RNF123: variants seen among roughly 807,000 people sequenced by gnomAD.
RNF123 encodes the protein ring finger protein 123.
A neutral mutation model predicts 168.5 loss-of-function variants in RNF123; 86 were observed. That is an observed-to-expected ratio of 0.51 (90% CI 0.43 to 0.61). The LOEUF (loss-of-function observed/expected upper bound fraction) is 0.61. Ranked by LOEUF, RNF123 falls within the 20% of genes least tolerant of loss-of-function variation. RNF123 has a pLI of 0.00. For synonymous variants in RNF123, 666 were observed against 689.1 expected, an observed-to-expected ratio of 0.97 and a Z score of 0.52; for missense variants, 1,419 against 1,729.7, an observed-to-expected ratio of 0.82 and a Z score of 3.19.
Position 49,705,804 on chromosome 3 carries a change from T to C in RNF123, c.2304+125T>C, listed in dbSNP as rs944337266. On this transcript the variant is annotated intron_variant, in intron 24 of 38. Coordinates refer to ENST00000327697, the MANE Select transcript of RNF123 (RefSeq NM_022064.5). Reference sequence around the variant, plus strand: ...AAGACCGTGCATGGGAGCACATGCCTCAGCGAGGCTGGTTTCTGCTCCTGC... The same window carrying C: ...AAGACCGTGCATGGGAGCACATGCCCCAGCGAGGCTGGTTTCTGCTCCTGC... 3 of 1,493,642 alleles carry C rather than the reference T, an allele frequency of 2.0e-6. No individual in the cohort carries two copies. In the African/African-American group the frequency reaches 4.1e-5, roughly 21 times the overall value. The allele number at this position is 1,493,642 out of a possible 1,614,324, so 92.5% of individuals were successfully genotyped here.
At chr3:49,717,764 G>A in intron 35 of RNF123, 1 of 670,496 alleles carries the variant, frequency 1.5e-6, no homozygotes, top group Non-Finnish European at 2.5e-6. Context: ...GCAGAAGGCA[G>A]GTTGGGGACC....
intron 19 of RNF123, 87 bp downstream of exon 19, chr3:49,702,492 CT>C: frequency 6.3e-7 from 1 of 1,599,866 alleles, no homozygotes; most frequent in African/African-American, 1.3e-5. Flanking sequence ...CTCGGACTGC[CT>C]CATCCCTGCC....
Position 49,698,520 on chromosome 3 carries a change from T to C in RNF123, c.564T>C (p.Tyr188=), listed in dbSNP as rs745507969. The stretch of plus-strand genomic sequence containing the variant: ...AGTGGAATGTGACCACAACGAATTA[T>C]GGCAAGGTGAGAGCCAAGCCCCTGT... The part of the protein sequence containing the change: ...VRKWNVTTTN[Y]GKAWAAGDIV... The change falls in exon 8 of 39, where the codon TAT becomes TAC. Residue 188 remains tyrosine (Y), a synonymous_variant. Transcript: ENST00000327697. The C allele has an allele frequency of 5.6e-6, 9 of 1,613,900 alleles. No homozygotes were observed. The highest frequency in any genetic ancestry group is 3.3e-4 in the Middle Eastern group (2 of 6,060).
chr3:49,708,803 G>A (rs1016388305), intron 26 of RNF123, among the ~76,000 whole-genome samples: 1 of 152,120 alleles, frequency 6.6e-6, no homozygotes, highest in African/African-American at 2.4e-5. Context: ...TTTGCTGATG[G>A]ACACTCGGGT....
At chr3:49,707,289 G>A (rs1261329931) in intron 26 of RNF123, among the ~76,000 whole-genome samples, 3 of 152,072 alleles carry the variant, frequency 2.0e-5, no homozygotes, top group African/African-American at 7.2e-5. Context: ...ACCACCCGAG[G>A]CCACTGGCTT....
rs1432232821 is a variant in RNF123, at chr3:49,691,430, G to A, written c.88G>A (p.Val30Met). Residue 30 changes from valine to methionine, a missense_variant, in exon 3 of 39, where the codon GTG (valine) becomes ATG (methionine). This residue lies in a region of RNF123 where 318 missense variants were observed against 446.6 expected (regional missense o/e 0.71). Transcript: ENST00000327697. ...CCTTCTGACTTGTGGCTCAGGCATT[G>A]TGCAGGAGAAGCTGCTGAATGACTA... ...DAEKSRVTGI[V>M]QEKLLNDYLN... is the part of the protein sequence containing the mutation. 2 of 1,614,052 alleles carry A rather than the reference G, an allele frequency of 1.2e-6. No homozygotes were observed. Among genetic ancestry groups the A allele is most frequent in the East Asian group, 4.5e-5 (2 of 44,894 alleles).
In RNF123 at chr3:49,718,370, C is replaced by G. The variant is rs751316970; in HGVS notation, c.3500+1893C>G. ...GGAAAGTGCACGCTCACGTTGTACTCGTGCGTCTGGTTGTGGTGCAGGCGG... is the reference window on the plus strand; with the variant it reads ...GGAAAGTGCACGCTCACGTTGTACTGGTGCGTCTGGTTGTGGTGCAGGCGG... On this transcript the variant is annotated intron_variant, in intron 35 of 38. Coordinates refer to ENST00000327697, the MANE Select transcript of RNF123 (RefSeq NM_022064.5). 1.9e-6 allele frequency: 3 copies of G among 1,613,240 alleles called. No homozygotes were observed. In the African/African-American group the frequency reaches 4.0e-5, roughly 22 times the overall value.
chr3:49,706,549 A>C (rs2054523828), intron 25 of RNF123, among the ~76,000 whole-genome samples: 1 of 152,200 alleles, frequency 6.6e-6, no homozygotes, highest in African/African-American at 2.4e-5. Flanking sequence ...TGCTCTGGCC[A>C]GCGGCTCACA....
chr3:49,690,948 C>T (rs1229863759), intron 1 of RNF123, among the ~76,000 whole-genome samples, 182 bp from the exon 2 acceptor site: 1 of 152,202 alleles, frequency 6.6e-6, no homozygotes, highest in Non-Finnish European at 1.5e-5. Context: ...GTTACATGGG[C>T]CTAGACCCTG....
chr3:49,702,356 T>G lies in RNF123; in HGVS notation c.1580T>G (p.Phe527Cys). 2.5e-6 allele frequency: 4 copies of G among 1,614,168 alleles called. No individual in the cohort carries two copies. The highest frequency in any genetic ancestry group is 1.7e-6 in the Non-Finnish European group (2 of 1,180,012). The change falls in exon 19 of 39, where the codon TTC becomes TGC. Residue 527 changes from phenylalanine (F) to cysteine (C), a missense_variant. Coordinates refer to ENST00000327697, the MANE Select transcript of RNF123 (RefSeq NM_022064.5). ...AAGGGTGAAGCTTCTAGGTATATCT[T>G]CCTGACCAAGTTTCGCAAGTTTCTG... Reference protein sequence around the residue: ...DNGGEASRYIFLTKFRKFLQE... With the variant: ...DNGGEASRYICLTKFRKFLQE...
rs1449049728 is a variant in RNF123 at position 49,721,095 on chromosome 3, A to G, written c.3814A>G (p.Lys1272Glu). Residue 1272 changes from lysine to glutamate, a missense_variant, in exon 38 of 39, where the codon AAG (lysine) becomes GAG (glutamate). Physicochemically the swap from Lys to Glu is moderately conservative, Grantham distance 56 (BLOSUM62 1). Transcript: ENST00000327697. ...TGCTGTGTTCCAGCCCTGTGGCCACAAGTCCTGCAAGTAAGTGGGCCCCAC... is the reference window on the plus strand; with the variant it reads ...TGCTGTGTTCCAGCCCTGTGGCCACGAGTCCTGCAAGTAAGTGGGCCCCAC... ...ISAVFQPCGH[K>E]SCKACINQHL... 1.2e-6 allele frequency: 2 copies of G among 1,613,780 alleles called. No individual in the cohort carries two copies. Among genetic ancestry groups the G allele is most frequent in the Non-Finnish European group, 1.7e-6 (2 of 1,179,890 alleles).
chr3:49,691,382 A>T (rs1264028660), intron 2 of RNF123, 43 bp from the exon 3 acceptor site: 1 of 1,609,376 alleles, frequency 6.2e-7, no homozygotes, highest in African/African-American at 1.3e-5. Context: ...CAGGAGCTGC[A>T]CTGATCATGT....
Position 49,721,290 on chromosome 3 carries a change from C to G in RNF123, c.3930C>G (p.Thr1310=), listed in dbSNP as rs1340343568. ...AGAAGGGAGCCAATACGAGTACTAC[C>G]TCCTCAGCTGCCTAGCCCTCACAGC... ...DWEKGANTST[T]SSAA Residue 1310 remains threonine (T), a synonymous_variant, in exon 39 of 39, where the codon ACC becomes ACG. Transcript: ENST00000327697. 2.5e-6 allele frequency: 4 copies of G among 1,614,106 alleles called. No individual in the cohort carries two copies. The highest frequency in any genetic ancestry group is 3.4e-6 in the Non-Finnish European group (4 of 1,180,046).
At position 49,715,973 on chromosome 3, in the gene RNF123, G is replaced by A. The variant is rs775943213; in HGVS notation, c.3302G>A (p.Arg1101Gln). 1.2e-5 allele frequency: 20 copies of A among 1,613,974 alleles called. No homozygotes were observed. In the South Asian group the frequency reaches 1.8e-4, roughly 14 times the overall value. Residue 1101 changes from arginine to glutamine, a missense_variant, in exon 33 of 39, where the codon CGG becomes CAG. Physicochemically the swap from Arg to Gln is conservative, Grantham distance 43. This residue lies in a region of RNF123 where 538 missense variants were observed against 708.8 expected (regional missense o/e 0.76). Transcript: ENST00000327697. The part of the protein sequence containing the change: ...LVPEIFLDWT[R>Q]PTSEMLLRRL... Reference sequence around the variant, plus strand: ...CCTGAGATATTCCTTGACTGGACCCGGCCTACCTCTGAGATGCTGCTGCGG... The same window carrying A: ...CCTGAGATATTCCTTGACTGGACCCAGCCTACCTCTGAGATGCTGCTGCGG...
chr3:49,694,298 A>G (rs1165644098), intron 3 of RNF123, among the ~76,000 whole-genome samples: 2 of 152,252 alleles, frequency 1.3e-5, no homozygotes, highest in Admixed American at 6.5e-5. Context: ...AACCATCACT[A>G]CCATCAAGGT....
intron 12 of RNF123, 200 bp from the exon 13 acceptor site, chr3:49,700,027 G>A (rs1370995075): frequency 4.1e-6 from 3 of 738,968 alleles, no homozygotes; most frequent in Non-Finnish European, 6.5e-6. Flanking sequence ...GAAACTGCGT[G>A]TGCCAAGCCT....
Position 49,713,769 on chromosome 3 carries a change from C to CT in RNF123, c.2781_2782insT (p.Ser928Ter). The CT allele has an allele frequency of 6.2e-7, 1 of 1,609,778 alleles. No individual in the cohort carries two copies. Among genetic ancestry groups the CT allele is most frequent in the Non-Finnish European group, 8.5e-7 (1 of 1,178,354 alleles). On this transcript the variant is annotated frameshift_variant, in exon 29 of 39. Coordinates refer to ENST00000327697, the MANE Select transcript of RNF123 (RefSeq NM_022064.5). LOFTEE classifies it high-confidence loss of function. ...GAGACTCACTGATGCAGGCCCTGGCCAGCTACGTGTGCTACCCACACTCCC... is the reference window on the plus strand; with the variant it reads ...GAGACTCACTGATGCAGGCCCTGGCCTAGCTACGTGTGCTACCCACACTCCC...
intron 31 of RNF123, 186 bp from the exon 32 acceptor site, chr3:49,715,389 G>A: frequency 4.4e-6 from 3 of 682,814 alleles, no homozygotes; most frequent in Non-Finnish European, 7.3e-6. Flanking sequence ...TAGAAGGAGG[G>A]GACAGATTCT....
intron 24 of RNF123, 54 bp from the exon 25 acceptor site, chr3:49,705,928 G>A: frequency 6.3e-7 from 1 of 1,584,058 alleles, no homozygotes; most frequent in Non-Finnish European, 8.7e-7. Flanking sequence ...GTCTGAAGAA[G>A]CCTGGATGAA....
Sources: gnomAD v4.1 joint callset for allele counts (sites outside exome capture counted in the v4.1 genomes callset) on GRCh38, gnomAD v4.1.1 for gene constraint, gnomAD v4.1.1 regional missense constraint, MANE v1.5 for transcripts, NCBI Gene and HGNC (gene_info 2026-07-23, HGNC 2026-07-21) for gene names.